ZFC3H1: variants seen among roughly 807,000 people sequenced by gnomAD.
The protein encoded by ZFC3H1 is zinc finger C3H1-type containing.
A neutral mutation model predicts 243.7 loss-of-function variants in ZFC3H1; 71 were observed. The ratio of observed to expected loss-of-function variants is 0.29; its 90% CI spans 0.24 to 0.36. The LOEUF is 0.36. ZFC3H1 is among the 10% of genes least tolerant of loss of function. The pLI is 1.00. For missense variants in ZFC3H1, 1,966 were observed against 2,317.1 expected, an observed-to-expected ratio of 0.85 and a Z score of 3.11; for synonymous variants, 838 against 813.0, an observed-to-expected ratio of 1.03 and a Z score of -0.52.
At position 71,621,996 on chromosome 12, in the gene ZFC3H1, C is replaced by T. The variant is rs1388369504; in HGVS notation, c.4744+1364G>A. ...ACCTCTACTGCCATCCAGTCTACCA[C>T]ATTTTCAAGATTCTTGACAATCAAG... On this transcript the variant is annotated intron_variant, in intron 24 of 34. Transcript: ENST00000378743. Among the ~76,000 whole-genome samples the T allele has an allele frequency of 2.6e-5, 4 of 152,194 alleles. No homozygotes were observed. In the South Asian group the frequency reaches 6.2e-4, roughly 24 times the overall value.
chr12:71,615,491 A>G (rs1027799261), intron 27 of ZFC3H1, among the ~76,000 whole-genome samples, 175 bp from the exon 28 acceptor site: 2 of 152,154 alleles, frequency 1.3e-5, no homozygotes, highest in African/African-American at 4.8e-5. Context: ...CTCTAGGATT[A>G]CACATTACTC....
chr12:71,628,019 A>C lies in ZFC3H1; in HGVS notation c.3947-85T>G, dbSNP rs1880213943. ...AAGAAAACAATTGGTCTCATCTTTAAAGTAACTTAAAAACCTAAAGATTCT... is the reference window on the plus strand; with the variant it reads ...AAGAAAACAATTGGTCTCATCTTTACAGTAACTTAAAAACCTAAAGATTCT... On this transcript the variant is annotated intron_variant, in intron 20 of 34. Transcript: ENST00000378743. The C allele has an allele frequency of 3.0e-6, 4 of 1,325,990 alleles. No individual in the cohort carries two copies. In the Admixed American group the frequency reaches 9.9e-5, roughly 33 times the overall value. The allele number at this position is 1,325,990 out of a possible 1,614,324, so 82.1% of individuals were successfully genotyped here. A position where few individuals can be genotyped will look rare whatever the true frequency, so the allele number is the denominator to read the frequency against.
intron 6 of ZFC3H1, among the ~76,000 whole-genome samples, chr12:71,641,446 A>G (rs1880600986): frequency 6.6e-6 from 1 of 152,346 alleles, no homozygotes; most frequent in Non-Finnish European, 1.5e-5. Flanking sequence ...TACACTGATC[A>G]TGTGTTCTTC....
chr12:71,618,526 AAC>A (rs1879946245), intron 27 of ZFC3H1, among the ~76,000 whole-genome samples: 1 of 152,170 alleles, frequency 6.6e-6, no homozygotes, highest in African/African-American at 2.4e-5. Flanking sequence ...TATTTTTGTA[AAC>A]AGTTATACTG....
At chr12:71,617,259 GTCTCA>G (rs1422537987) in intron 27 of ZFC3H1, among the ~76,000 whole-genome samples, 3 of 152,246 alleles carry the variant, frequency 2.0e-5, no homozygotes, top group Non-Finnish European at 4.4e-5. Context: ...GCCAAAAATG[GTCTCA>G]TCTATCGTCA....
chr12:71,659,427 T>TC (rs1186559912), intron 1 of ZFC3H1, among the ~76,000 whole-genome samples: 2 of 152,208 alleles, frequency 1.3e-5, no homozygotes, highest in Non-Finnish European at 2.9e-5. Flanking sequence ...TGTCTGTTCT[T>TC]CAACTTAACC....
chr12:71,619,841 G>T, intron 26 of ZFC3H1, 85 bp downstream of exon 26: 1 of 1,254,514 alleles, frequency 8.0e-7, no homozygotes, highest in Non-Finnish European at 1.1e-6. Context: ...AAGGGTAAAA[G>T]GACCAGGAAA....
At chr12:71,653,712 T>A (rs566251427) in intron 2 of ZFC3H1, among the ~76,000 whole-genome samples, 1 of 152,286 alleles carries the variant, frequency 6.6e-6, no homozygotes, top group South Asian at 2.1e-4. Flanking sequence ...CAGAAAATAT[T>A]GTCAGTAAGA....
rs1389938969 is a variant in ZFC3H1 at position 71,638,484 on chromosome 12, A to G, written c.1659T>C (p.Ser553=). The G allele has an allele frequency of 1.9e-6, 3 of 1,612,394 alleles. No individual in the cohort carries two copies. Among genetic ancestry groups the G allele is most frequent in the Non-Finnish European group, 2.5e-6 (3 of 1,179,488 alleles). Residue 553 remains serine (S), a synonymous_variant, in exon 7 of 35, where the codon TCT becomes TCC. Transcript: ENST00000378743. ...GAGAAAAATACCCCAATGAACATTCAGAGAAAAATGGCGGTTGCACTGGTG... is the reference window on the plus strand; with the variant it reads ...GAGAAAAATACCCCAATGAACATTCGGAGAAAAATGGCGGTTGCACTGGTG... ...APSPVQPPFF[S]ECSLGYFSPA...
chr12:71,633,940 G>T (rs1165050851), intron 12 of ZFC3H1, among the ~76,000 whole-genome samples: 1 of 152,174 alleles, frequency 6.6e-6, no homozygotes, highest in African/African-American at 2.4e-5. Flanking sequence ...TTATAGGCGT[G>T]AGCCACCGCG....
At position 71,663,226 on chromosome 12, in the gene ZFC3H1, G is replaced by T; in HGVS notation, c.385C>A (p.Pro129Thr). ...MPSSSLSESS[P>T]RPSFWERSHL... is the part of the protein sequence containing the mutation. ...CTCCGCTCCCAGAAAGACGGCCGGGGACTGCTTTCGGACAGTGAGCTCGAA... is the reference window on the plus strand; with the variant it reads ...CTCCGCTCCCAGAAAGACGGCCGGGTACTGCTTTCGGACAGTGAGCTCGAA... The change falls in exon 1 of 35, where the codon CCC becomes ACC. Residue 129 changes from proline to threonine, a missense_variant. By Grantham distance (38) the Pro-to-Thr change is conservative. This residue lies in a region of ZFC3H1 where 484 missense variants were observed against 449.7 expected (regional missense o/e 1.08). Transcript: ENST00000378743. 1.2e-6 allele frequency: 2 copies of T among 1,614,024 alleles called. No individual in the cohort carries two copies. Among genetic ancestry groups the T allele is most frequent in the Non-Finnish European group, 1.7e-6 (2 of 1,180,044 alleles).
In ZFC3H1 at chr12:71,630,884, G is replaced by A. The variant is rs1880304915; in HGVS notation, c.3541C>T (p.Pro1181Ser). 6.2e-7 allele frequency: 1 copy of A among 1,613,320 alleles called. No individual in the cohort carries two copies. The highest frequency in any genetic ancestry group is 8.5e-7 in the Non-Finnish European group (1 of 1,179,648). The change falls in exon 17 of 35, where the codon CCG becomes TCG. Residue 1181 changes from proline to serine, a missense_variant. Physicochemically the swap from Pro to Ser is moderately conservative, Grantham distance 74. Transcript: ENST00000378743. ...TCAAAACGGCAGAAACACTGATCCGGTTCAATCATATTACTGTATGATACT... is the reference window on the plus strand; with the variant it reads ...TCAAAACGGCAGAAACACTGATCCGATTCAATCATATTACTGTATGATACT... ...SSVSYSNMIEPDQCFCRFDLT... is the reference protein window; with the variant it reads ...SSVSYSNMIESDQCFCRFDLT...
intron 3 of ZFC3H1, among the ~76,000 whole-genome samples, chr12:71,647,311 G>T (rs1359159054): frequency 6.6e-6 from 1 of 152,120 alleles, no homozygotes. Context: ...ATTAAGTTCA[G>T]TTTGTAGAAA....
intron 6 of ZFC3H1, among the ~76,000 whole-genome samples, chr12:71,641,890 C>G (rs1565820579): frequency 6.6e-6 from 1 of 152,148 alleles, no homozygotes; most frequent in Non-Finnish European, 1.5e-5. Flanking sequence ...TGCTCTGTCA[C>G]TCAGGCGGGA....
intron 2 of ZFC3H1, among the ~76,000 whole-genome samples, chr12:71,649,091 CAAAAAAA>C (rs35231608): frequency 1.3e-4 from 12 of 89,832 alleles, no homozygotes; most frequent in African/African-American, 4.7e-4. Flanking sequence ...ACTCTTGTCT[CAAAAAAA>C]AAAAAAAAAA....
chr12:71,637,271 C>A (rs1880488601), intron 7 of ZFC3H1, among the ~76,000 whole-genome samples: 1 of 151,792 alleles, frequency 6.6e-6, no homozygotes, highest in African/African-American at 2.4e-5. Context: ...AAAAAATCAA[C>A]AATATTTGAA....
chr12:71,633,757 C>T (rs140976291), intron 12 of ZFC3H1, among the ~76,000 whole-genome samples: 42 of 152,232 alleles, frequency 2.8e-4, no homozygotes, highest in African/African-American at 9.6e-4. Context: ...CTAGTTCAAG[C>T]GATTCTCCCG....
intron 5 of ZFC3H1, among the ~76,000 whole-genome samples, chr12:71,642,993 T>G (rs1432694730): frequency 6.6e-6 from 1 of 152,180 alleles, no homozygotes; most frequent in Admixed American, 6.5e-5. Context: ...TAATGATACC[T>G]GAAAGCTATA....
At position 71,626,405 on chromosome 12, in the gene ZFC3H1, G is replaced by A. The variant is rs774386847; in HGVS notation, c.4172C>T (p.Ala1391Val). Residue 1391 changes from alanine (A) to valine (V), a missense_variant, in exon 22 of 35, where the codon GCG becomes GTG. Physicochemically the swap from Ala to Val is moderately conservative, Grantham distance 64 (BLOSUM62 0). Around this residue, in one of 4 missense-constraint regions of ZFC3H1, gnomAD observed 1,383 missense variants for 1,723.7 expected, o/e 0.80. Transcript: ENST00000378743. ...GTCTTTGTTATTTTCCAATGCTCGC[G>A]CCAGAACATTTAAAGCAGAATCCAA... is the stretch of plus-strand genomic sequence containing the variant. ...ESLDSALNVLARALENNKDNP... is the reference protein window; with the variant it reads ...ESLDSALNVLVRALENNKDNP... 8.7e-6 allele frequency: 14 copies of A among 1,613,670 alleles called. No homozygotes were observed. The highest frequency in any genetic ancestry group is 5.0e-5 in the Admixed American group (3 of 59,990).
Sources: gnomAD v4.1 joint callset for allele counts (sites outside exome capture counted in the v4.1 genomes callset) on GRCh38, gnomAD v4.1.1 for gene constraint, gnomAD v4.1.1 regional missense constraint, MANE v1.5 for transcripts, NCBI Gene and HGNC (gene_info 2026-07-23, HGNC 2026-07-21) for gene names.